Variants in SOX6 observed in about 807,000 individuals in gnomAD.
SOX6 encodes transcription factor SOX-6.
SOX6 carries 11 observed loss-of-function variants against 97.8 expected under a neutral mutation model. The ratio of observed to expected loss-of-function variants is 0.11; its 90% CI spans 0.07 to 0.19. The LOEUF is 0.19. SOX6 is among the 10% of genes least tolerant of loss of function. SOX6 has a pLI of 1.00. For synonymous variants in SOX6, 360 were observed against 371.4 expected (o/e 0.97, Z 0.35); for missense variants, 810 against 1,039.5 (o/e 0.78, Z 3.04).
chr11:16,056,007 T>A (rs1270365780), intron 9 of SOX6, 106 bp from the exon 10 acceptor site: 1 of 1,291,796 alleles, frequency 7.7e-7, no homozygotes, highest in East Asian at 2.5e-5. Flanking sequence ...AGCCTTGTAA[T>A]TTCTTTTTCA....
intron 2 of SOX6, among the ~76,000 whole-genome samples, chr11:16,320,130 A>G (rs80096024): frequency 1.3e-5 from 2 of 152,106 alleles, no homozygotes; most frequent in South Asian, 2.1e-4. Context: ...GCCCTTCAGC[A>G]GCCTTGCATT....
chr11:16,711,755 G>C (rs1848182545), intron 3 of SOX6, among the ~76,000 whole-genome samples: 1 of 151,766 alleles, frequency 6.6e-6, no homozygotes, highest in Non-Finnish European at 1.5e-5. Context: ...GGGTACAGGT[G>C]GTATTTGGTT....
At chr11:16,686,761 C>T (rs1212041940) in intron 3 of SOX6, among the ~76,000 whole-genome samples, 1 of 152,216 alleles carries the variant, frequency 6.6e-6, no homozygotes, top group Non-Finnish European at 1.5e-5. Flanking sequence ...CAAAGCCTTA[C>T]TCCTCAGTAT....
intron 4 of SOX6, among the ~76,000 whole-genome samples, chr11:16,520,201 ATT>A (rs1486898354): frequency 6.6e-6 from 1 of 152,182 alleles, no homozygotes; most frequent in Non-Finnish European, 1.5e-5. Context: ...CTTTAGTTTA[ATT>A]AAGTTCCACT....
intron 4 of SOX6, among the ~76,000 whole-genome samples, chr11:16,541,085 C>CA (rs1341621338): frequency 3.3e-5 from 5 of 152,144 alleles, no homozygotes; most frequent in Admixed American, 6.5e-5. Context: ...TACAAGGCTA[C>CA]AGTAACCAAA....
intron 4 of SOX6, among the ~76,000 whole-genome samples, chr11:16,194,823 TA>T (rs1270947193): frequency 1.3e-5 from 2 of 152,212 alleles, no homozygotes; most frequent in Non-Finnish European, 2.9e-5. Context: ...GCTGGGCTTT[TA>T]GCCCATTGTG....
intron 4 of SOX6, among the ~76,000 whole-genome samples, chr11:16,505,497 G>A (rs995928672): frequency 1.3e-5 from 2 of 152,130 alleles, no homozygotes; most frequent in Non-Finnish European, 2.9e-5. Flanking sequence ...AAGTGGAAAA[G>A]TTTGAAAAAT....
At position 16,457,914 on chromosome 11, in the gene SOX6, A is replaced by C. The variant is rs184330561; in HGVS notation, c.-5+18401T>G. Among the ~76,000 whole-genome samples, 405 of 152,154 alleles carry C rather than the reference A, an allele frequency of 2.7e-3. 3 individuals are homozygous for C. The highest frequency in any genetic ancestry group is 9.2e-3 in the African/African-American group (383 of 41,542). ...AGCATTGTGCTGAAGGTATCACAAA[A>C]TTGTTTCATTGACACATCACAATAT... On this transcript the variant is annotated intron_variant, in intron 1 of 15. Transcript: ENST00000396356.
chr11:16,568,843 C>G (rs1252638351), intron 4 of SOX6, among the ~76,000 whole-genome samples: 2 of 152,262 alleles, frequency 1.3e-5, no homozygotes, highest in Non-Finnish European at 2.9e-5. Flanking sequence ...CTTACTCTCC[C>G]AAATGCATCT....
At chr11:16,501,685 T>C (rs1860711653) in intron 4 of SOX6, among the ~76,000 whole-genome samples, 1 of 152,128 alleles carries the variant, frequency 6.6e-6, no homozygotes, top group South Asian at 2.1e-4. Flanking sequence ...AGAAGACATT[T>C]ATGCAGCCAA....
chr11:16,166,506 T>C (rs1039308348), intron 6 of SOX6, among the ~76,000 whole-genome samples: 1 of 152,214 alleles, frequency 6.6e-6, no homozygotes, highest in Non-Finnish European at 1.5e-5. Context: ...ACATCTCCCA[T>C]GTGCAAAGTA....
chr11:16,550,890 C>T (rs537506806), intron 4 of SOX6, among the ~76,000 whole-genome samples: 1 of 152,184 alleles, frequency 6.6e-6, no homozygotes, highest in East Asian at 1.9e-4. Flanking sequence ...AAAATATACT[C>T]TGTAGATGAA....
At chr11:16,168,645 C>T (rs562357491) in intron 6 of SOX6, among the ~76,000 whole-genome samples, 2 of 152,212 alleles carry the variant, frequency 1.3e-5, no homozygotes, top group African/African-American at 4.8e-5. Flanking sequence ...CTTTTTTCTT[C>T]TCCAAGTCAC....
At chr11:16,027,761 G>A (rs577452076) in intron 12 of SOX6, among the ~76,000 whole-genome samples, 5 of 152,138 alleles carry the variant, frequency 3.3e-5, no homozygotes, top group South Asian at 2.1e-4. Flanking sequence ...ATGAGAGAGG[G>A]GCACGTGTGG....
intron 9 of SOX6, among the ~76,000 whole-genome samples, chr11:16,089,906 T>C (rs1475172115): frequency 6.6e-6 from 1 of 152,114 alleles, no homozygotes; most frequent in East Asian, 1.9e-4. Context: ...TGAAGCATTT[T>C]CTAAAATGCT....
intron 4 of SOX6, among the ~76,000 whole-genome samples, chr11:16,229,383 A>T (rs1014251048): frequency 6.6e-6 from 1 of 152,072 alleles, no homozygotes; most frequent in African/African-American, 2.4e-5. Context: ...AAAAACAAAC[A>T]AAAGAAAAGG....
chr11:16,656,400 T>C (rs890847725), intron 3 of SOX6, among the ~76,000 whole-genome samples: 1 of 152,140 alleles, frequency 6.6e-6, no homozygotes, highest in African/African-American at 2.4e-5. Context: ...GTACATGACG[T>C]ACCAGGAGAG....
intron 1 of SOX6, among the ~76,000 whole-genome samples, chr11:16,438,845 G>T (rs184996498): frequency 1.3e-5 from 2 of 152,064 alleles, no homozygotes; most frequent in African/African-American, 4.8e-5. Flanking sequence ...CCCCTTGCTC[G>T]CTCCTTACCT....
At chr11:16,142,509 T>G (rs1450989707) in intron 6 of SOX6, among the ~76,000 whole-genome samples, 1 of 152,110 alleles carries the variant, frequency 6.6e-6, no homozygotes, top group Non-Finnish European at 1.5e-5. Context: ...AGAGAATGAC[T>G]TTGACGAGTT....
Sources: allele counts gnomAD v4.1 joint callset (sites outside exome capture counted in the v4.1 genomes callset), GRCh38; gene constraint gnomAD v4.1.1; transcripts MANE v1.5; gene names NCBI Gene and HGNC (gene_info 2026-07-23, HGNC 2026-07-21).